CPEB2: variants seen among roughly 807,000 people sequenced by gnomAD.
CPEB2 encodes the protein cytoplasmic polyadenylation element binding protein 2, also known as cytoplasmic polyadenylation element-binding protein 2.
CPEB2 carries 56 observed loss-of-function variants against 93.6 expected under a neutral mutation model. That is an observed-to-expected ratio of 0.60 (90% confidence interval 0.48 to 0.75). The LOEUF (loss-of-function observed/expected upper bound fraction) is 0.75, where lower values mean the gene tolerates loss of function less well. CPEB2 is among the 30% of genes least tolerant of loss of function. The pLI is 0.00. For missense variants in CPEB2, 1,579 were observed against 1,395.1 expected (o/e 1.13, Z -2.10); for synonymous variants, 764 against 586.3 (o/e 1.30, Z -4.38).
chr4:15,004,701 C>T (rs891799177), intron 1 of CPEB2, among the ~76,000 whole-genome samples: 2 of 151,860 alleles, frequency 1.3e-5, no homozygotes, highest in Non-Finnish European at 1.5e-5. Context: ...ACCCGGCCCT[C>T]CTAGCTGGCG....
In CPEB2 at chr4:15,003,126, C is replaced by T; in HGVS notation, c.453C>T (p.Ser151=). 3.3e-6 allele frequency: 5 copies of T among 1,532,858 alleles called. No individual in the cohort carries two copies. The highest frequency in any genetic ancestry group is 3.5e-6 in the Non-Finnish European group (4 of 1,145,704). 95.0% of individuals were successfully genotyped at this position (1,532,858 alleles called of 1,614,324 possible). A position where few individuals can be genotyped will look rare whatever the true frequency, so the allele number is the denominator to read the frequency against. The change falls in exon 1 of 12, where the codon TCC becomes TCT. Residue 151 remains serine (S), a synonymous_variant. Coordinates refer to ENST00000538197, the MANE Select transcript of CPEB2 (RefSeq NM_001177382.2). ...GTCTGCACCACCCCTCCTCCTCCTCCGCCTCCTCCTGCTGCTGCTGCCGCA... is the reference window on the plus strand; with the variant it reads ...GTCTGCACCACCCCTCCTCCTCCTCTGCCTCCTCCTGCTGCTGCTGCCGCA... ...KPSLHHPSSS[S]ASSCCCCRTS...
chr4:15,022,735 C>T (rs963265042), intron 4 of CPEB2, among the ~76,000 whole-genome samples: 2 of 151,874 alleles, frequency 1.3e-5, no homozygotes, highest in African/African-American at 4.8e-5. Context: ...ACTCTTATAA[C>T]GTACATGGAA....
intron 6 of CPEB2, among the ~76,000 whole-genome samples, 171 bp from the exon 7 acceptor site, chr4:15,052,243 T>G (rs983307495): frequency 3.3e-5 from 5 of 152,174 alleles, no homozygotes; most frequent in African/African-American, 4.8e-5. Context: ...GATTGCTTCT[T>G]TCTTGAATCC....
intron 8 of CPEB2, among the ~76,000 whole-genome samples, chr4:15,054,490 C>T (rs1178735059): frequency 1.3e-5 from 2 of 152,068 alleles, no homozygotes; most frequent in African/African-American, 4.8e-5. Flanking sequence ...AATTTATGAA[C>T]AGTTGAAATA....
intron 6 of CPEB2, among the ~76,000 whole-genome samples, chr4:15,049,902 C>A (rs916996191): frequency 4.6e-5 from 7 of 152,094 alleles, no homozygotes; most frequent in Non-Finnish European, 7.4e-5. Context: ...GCATGTGGTC[C>A]CTTCCTTCTT....
intron 1 of CPEB2, among the ~76,000 whole-genome samples, chr4:15,007,046 G>T (rs1188295338): frequency 6.6e-6 from 1 of 152,044 alleles, no homozygotes; most frequent in Non-Finnish European, 1.5e-5. Flanking sequence ...GGATAAAAAG[G>T]AACTGCATGG....
chr4:15,052,215 T>G (rs1051669077), intron 6 of CPEB2, among the ~76,000 whole-genome samples, 199 bp from the exon 7 acceptor site: 1 of 152,164 alleles, frequency 6.6e-6, no homozygotes, highest in African/African-American at 2.4e-5. Context: ...ACTATGTTTA[T>G]TTCTAAGTCA....
intron 5 of CPEB2, among the ~76,000 whole-genome samples, chr4:15,037,054 G>A (rs1303233688): frequency 1.3e-5 from 2 of 152,134 alleles, no homozygotes; most frequent in African/African-American, 4.8e-5. Context: ...TGTAATCCTA[G>A]CACTTTGGGA....
chr4:15,054,712 A>C (rs530442385), intron 8 of CPEB2, among the ~76,000 whole-genome samples: 3 of 152,158 alleles, frequency 2.0e-5, no homozygotes, highest in Non-Finnish European at 4.4e-5. Context: ...ACAGGACAAG[A>C]ATTACAAATT....
chr4:15,045,005 G>C (rs1395063612), intron 6 of CPEB2, among the ~76,000 whole-genome samples: 2 of 152,042 alleles, frequency 1.3e-5, no homozygotes, highest in African/African-American at 4.8e-5. Context: ...TGCATTTGTA[G>C]GTAGGGTTCT....
At chr4:15,005,097 G>T (rs562317180) in intron 1 of CPEB2, 2 of 152,228 alleles carry the variant, frequency 1.3e-5, no homozygotes, top group Non-Finnish European at 2.9e-5. Context: ...GGAGGGAGCG[G>T]CCGACCGCCC....
chr4:15,024,735 C>A lies in CPEB2; in HGVS notation c.2125+7457C>A, dbSNP rs558654512. Among the ~76,000 whole-genome samples, 240 of 130,208 alleles carry A rather than the reference C, an allele frequency of 1.8e-3. 1 individual carries two copies. The highest frequency in any genetic ancestry group is 6.1e-3 in the African/African-American group (214 of 34,864). 85.4% of individuals were successfully genotyped at this position (130,208 alleles called of 152,430 possible). A position where few individuals can be genotyped will look rare whatever the true frequency, so the allele number is the denominator to read the frequency against. On this transcript the variant is annotated intron_variant, in intron 4 of 11. Transcript: ENST00000538197. Reference sequence around the variant, plus strand: ...TTCTTGGAATTTTGGGATATTATTTCTTTGATAATTTTTTTTTTTTTTTTT... The same window carrying A: ...TTCTTGGAATTTTGGGATATTATTTATTTGATAATTTTTTTTTTTTTTTTT...
chr4:15,048,423 T>C (rs1049680220), intron 6 of CPEB2, among the ~76,000 whole-genome samples: 1 of 151,942 alleles, frequency 6.6e-6, no homozygotes, highest in African/African-American at 2.4e-5. Context: ...ACTTTTCAGA[T>C]TTTTTCTCCC....
chr4:15,014,092 C>T (rs1188589313), intron 3 of CPEB2, among the ~76,000 whole-genome samples: 2 of 151,978 alleles, frequency 1.3e-5, no homozygotes, highest in Non-Finnish European at 2.9e-5. Context: ...TTTTACCATG[C>T]TATAGAGCAA....
chr4:15,036,247 TA>T (rs1356214962), intron 5 of CPEB2, among the ~76,000 whole-genome samples: 1 of 152,072 alleles, frequency 6.6e-6, no homozygotes, highest in African/African-American at 2.4e-5. Context: ...ATTTAAACAA[TA>T]AAAAAACCAT....
At chr4:15,061,311 A>G (rs1206614035) in intron 10 of CPEB2, among the ~76,000 whole-genome samples, 1 of 152,098 alleles carries the variant, frequency 6.6e-6, no homozygotes, top group Non-Finnish European at 1.5e-5. Flanking sequence ...TCTGACATTG[A>G]AAAGTTAAGG....
intron 6 of CPEB2, among the ~76,000 whole-genome samples, chr4:15,043,156 CTCACTTGACTACAGTCAA>C (rs1288165688): frequency 6.6e-6 from 1 of 152,186 alleles, no homozygotes; most frequent in African/African-American, 2.4e-5. Flanking sequence ...TAAAAGATTT[CTCACTTGACTACAGTCAA>C]ATCAAGTTAC....
intron 4 of CPEB2, among the ~76,000 whole-genome samples, chr4:15,027,613 G>T (rs2109016305): frequency 6.6e-6 from 1 of 152,272 alleles, no homozygotes; most frequent in Middle Eastern, 3.4e-3. Context: ...GGAAGTAAAG[G>T]TAAAATGTAG....
At position 15,068,902 on chromosome 4, in the gene CPEB2, A is replaced by C. The variant is rs1229519497; in HGVS notation, c.*2522A>C. On this transcript the variant is annotated 3_prime_UTR_variant, in exon 12 of 12. Coordinates refer to ENST00000538197, the MANE Select transcript of CPEB2 (RefSeq NM_001177382.2). ...TTTGTTCCTTTCCCACCTCACCCCTACCTCTTTTGTTTTGTTTTGTTTTTG... is the reference window on the plus strand; with the variant it reads ...TTTGTTCCTTTCCCACCTCACCCCTCCCTCTTTTGTTTTGTTTTGTTTTTG... 1 of 149,174 alleles carries C rather than the reference A, an allele frequency of 6.7e-6. No individual in the cohort carries two copies. Among genetic ancestry groups the C allele is most frequent in the Non-Finnish European group, 1.5e-5 (1 of 66,968 alleles). The allele number at this position is 149,174 out of a possible 1,614,324, so 9.2% of individuals were successfully genotyped here. A position where few individuals can be genotyped will look rare whatever the true frequency, so the allele number is the denominator to read the frequency against.
Sources: allele counts gnomAD v4.1 joint callset (sites outside exome capture counted in the v4.1 genomes callset), GRCh38; gene constraint gnomAD v4.1.1; transcripts MANE v1.5; gene names NCBI Gene and HGNC (gene_info 2026-07-23, HGNC 2026-07-21).